The following ZNF736 variants were observed in gnomAD, a reference collection of about 807,000 sequenced individuals.
ZNF736 encodes the protein zinc finger protein 736.
A neutral mutation model predicts 11.7 loss-of-function variants in ZNF736; 6 were observed. The observed-to-expected ratio is 0.51, with a 90% CI of 0.28 to 1.01. The LOEUF (loss-of-function observed/expected upper bound fraction) is 1.01. ZNF736 is among the 50% of genes least tolerant of loss of function. ZNF736 has a pLI of 0.09. For missense variants in ZNF736, 444 were observed against 496.0 expected (o/e 0.90, Z 1.00); for synonymous variants, 139 against 164.7 (o/e 0.84, Z 1.19).
At chr7:64,314,899 T>C (rs1414825594) in intron 1 of ZNF736, among the ~76,000 whole-genome samples, 1 of 152,160 alleles carries the variant, frequency 6.6e-6, no homozygotes, top group Non-Finnish European at 1.5e-5. Context: ...TAGGATATAA[T>C]TTGGATGTGT....
At position 64,351,178 on chromosome 7, in the gene ZNF736, T is replaced by C. The variant is rs1181261726; in HGVS notation, c.*2031T>C. On this transcript the variant is annotated 3_prime_UTR_variant, in exon 4 of 4. Coordinates refer to ENST00000423484, the MANE Select transcript of ZNF736 (RefSeq NM_001170905.3). ...TTCAGAGTGTGGGAGGTTACCCTGT[T>C]CTCTGCACAGTGTTAGCACAAAGGC... 6.6e-6 allele frequency: 1 copy of C among 152,282 alleles called. No individual in the cohort carries two copies. Among genetic ancestry groups the C allele is most frequent in the Non-Finnish European group, 1.5e-5 (1 of 68,122 alleles). The allele number at this position is 152,282 out of a possible 1,614,324, so 9.4% of individuals were successfully genotyped here.
In ZNF736 at chr7:64,327,781, A is replaced by G. The variant is rs79426915; in HGVS notation, c.4-8478A>G. Among the ~76,000 whole-genome samples the G allele has an allele frequency of 3.8e-3, 581 of 152,292 alleles. 15 individuals carry two copies. The East Asian group carries it at 0.067, about 18-fold the overall frequency. The stretch of plus-strand genomic sequence containing the variant: ...AACCCATTATTTTAAACGGATGGCA[A>G]CTTAACACATATTGTAAAAATGAAC... On this transcript the variant is annotated intron_variant, in intron 1 of 3. Coordinates refer to ENST00000423484, the MANE Select transcript of ZNF736 (RefSeq NM_001170905.3).
intron 1 of ZNF736, among the ~76,000 whole-genome samples, chr7:64,319,331 G>GTATATATATATATA (rs1303895518): frequency 4.0e-5 from 3 of 75,510 alleles, no homozygotes; most frequent in Non-Finnish European, 5.3e-5. Context: ...GTGTGTGTAT[G>GTATATATATATATA]TGTATATATA....
chr7:64,345,683 G>A (rs556357083), intron 3 of ZNF736, among the ~76,000 whole-genome samples: 4 of 135,118 alleles, frequency 3.0e-5, no homozygotes, highest in Admixed American at 1.7e-4. Context: ...GCAGTGAGCC[G>A]AGATCGTGCC....
chr7:64,328,380 T>C (rs1287633328), intron 1 of ZNF736, among the ~76,000 whole-genome samples: 1 of 152,146 alleles, frequency 6.6e-6, no homozygotes, highest in African/African-American at 2.4e-5. Context: ...GTCAAACATA[T>C]TGGTGCTTGT....
rs1294134738 is a variant in ZNF736, at chr7:64,349,948, T to G, written c.*801T>G. 1 of 152,210 alleles carries G rather than the reference T, an allele frequency of 6.6e-6. No individual in the cohort carries two copies. The highest frequency in any genetic ancestry group is 1.5e-5 in the Non-Finnish European group (1 of 68,050). The allele number at this position is 152,210 out of a possible 1,614,324, so 9.4% of individuals were successfully genotyped here. A position where few individuals can be genotyped will look rare whatever the true frequency, so the allele number is the denominator to read the frequency against. On this transcript the variant is annotated 3_prime_UTR_variant, in exon 4 of 4. Coordinates refer to ENST00000423484, the MANE Select transcript of ZNF736 (RefSeq NM_001170905.3). ...TTGTTGTTTTCCTGATGAGCTTCTT[T>G]TTAGAGGTGACCTGGCCTTTCTCTC... is the stretch of plus-strand genomic sequence containing the variant.
intron 3 of ZNF736, 110 bp from the exon 4 acceptor site, chr7:64,347,980 A>G: frequency 1.0e-6 from 1 of 983,814 alleles, no homozygotes; most frequent in Non-Finnish European, 1.4e-6. Context: ...ATAAGAATAT[A>G]GAGCCTGTGG....
At position 64,314,027 on chromosome 7, in the gene ZNF736, C is replaced by T; in HGVS notation, c.-124C>T. 7.3e-7 allele frequency: 1 copy of T among 1,375,198 alleles called. No individual in the cohort carries two copies. The allele number at this position is 1,375,198 out of a possible 1,614,324, so 85.2% of individuals were successfully genotyped here. A position where few individuals can be genotyped will look rare whatever the true frequency, so the allele number is the denominator to read the frequency against. ...CGGGCTCTGATCCTAGTTCGCGTCT[C>T]CACTGTTCCATCTCCTCCGTTCCTG... On this transcript the variant is annotated 5_prime_UTR_variant, in exon 1 of 4. Transcript: ENST00000423484.
intron 1 of ZNF736, among the ~76,000 whole-genome samples, chr7:64,323,656 C>T (rs1789033062): frequency 6.6e-6 from 1 of 152,146 alleles, no homozygotes; most frequent in African/African-American, 2.4e-5. Context: ...CCAAACGCTG[C>T]ATGCTCTCAT....
chr7:64,332,809 C>A (rs1307988000), intron 1 of ZNF736, among the ~76,000 whole-genome samples: 1 of 152,092 alleles, frequency 6.6e-6, no homozygotes, highest in Non-Finnish European at 1.5e-5. Context: ...AATATCTCTC[C>A]TACTTGCATG....
In ZNF736 at chr7:64,336,911, T is replaced by C; in HGVS notation, c.155T>C (p.Leu52Ser). ...GGTCTTGCTATCTTTAAGCCAGACT[T>C]GATGACCTGTCTGGAGCAAAGAAAA... is the stretch of plus-strand genomic sequence containing the variant. ...SLGLAIFKPD[L>S]MTCLEQRKEP... Residue 52 changes from leucine to serine, a missense_variant, in exon 3 of 4, where the codon TTG (leucine) becomes TCG (serine). By Grantham distance (145) the Leu-to-Ser change is moderately radical. Coordinates refer to ENST00000423484, the MANE Select transcript of ZNF736 (RefSeq NM_001170905.3). 6.2e-7 allele frequency: 1 copy of C among 1,600,856 alleles called. No individual in the cohort carries two copies.
At chr7:64,335,961 A>C (rs1456164665) in intron 1 of ZNF736, among the ~76,000 whole-genome samples, 1 of 152,218 alleles carries the variant, frequency 6.6e-6, no homozygotes, top group Non-Finnish European at 1.5e-5. Context: ...AACTATAGAC[A>C]GCTTTTCTTG....
rs1245586637 is a variant in ZNF736 at position 64,349,882 on chromosome 7, C to T, written c.*735C>T. On this transcript the variant is annotated 3_prime_UTR_variant, in exon 4 of 4. Transcript: ENST00000423484. The stretch of plus-strand genomic sequence containing the variant: ...TTTTTAAGAATGTTGAATATTGGCC[C>T]CTATAATCTCTTTTGACTTGTAGGA... The T allele has an allele frequency of 6.6e-6, 1 of 151,932 alleles. No individual in the cohort carries two copies. Among genetic ancestry groups the T allele is most frequent in the South Asian group, 2.1e-4 (1 of 4,814 alleles). The allele number at this position is 151,932 out of a possible 1,614,324, so 9.4% of individuals were successfully genotyped here.
At position 64,354,243 on chromosome 7, in the gene ZNF736, G is replaced by A. The variant is rs1371251651; in HGVS notation, c.*5096G>A. 1 of 151,998 alleles carries A rather than the reference G, an allele frequency of 6.6e-6. No individual in the cohort carries two copies. Among genetic ancestry groups the A allele is most frequent in the African/African-American group, 2.4e-5 (1 of 41,394 alleles). 9.4% of individuals were successfully genotyped at this position (151,998 alleles called of 1,614,324 possible). Reference sequence around the variant, plus strand: ...TTCTGTTGAACATATGACTTCTCTGGTCTGCTAAACACATACAGACCTTTA... The same window carrying A: ...TTCTGTTGAACATATGACTTCTCTGATCTGCTAAACACATACAGACCTTTA... On this transcript the variant is annotated 3_prime_UTR_variant, in exon 4 of 4. Coordinates refer to ENST00000423484, the MANE Select transcript of ZNF736 (RefSeq NM_001170905.3).
chr7:64,345,273 C>T (rs1174177096), intron 3 of ZNF736, among the ~76,000 whole-genome samples: 4 of 151,372 alleles, frequency 2.6e-5, no homozygotes, highest in African/African-American at 7.3e-5. Flanking sequence ...CTGCCCGCCT[C>T]GGCCTCCCAA....
At chr7:64,341,376 T>A (rs1331232880) in intron 3 of ZNF736, among the ~76,000 whole-genome samples, 1 of 152,108 alleles carries the variant, frequency 6.6e-6, no homozygotes, top group African/African-American at 2.4e-5. Context: ...CCATCTAATC[T>A]AATATTTAAA....
rs1270697988 is a variant in ZNF736 at position 64,350,322 on chromosome 7, T to C, written c.*1175T>C. On this transcript the variant is annotated 3_prime_UTR_variant, in exon 4 of 4. Coordinates refer to ENST00000423484, the MANE Select transcript of ZNF736 (RefSeq NM_001170905.3). ...AGCCAGTCTTGAGGCCCTGAGATTC[T>C]TTCCTCTGCTTGGCCTATTCTGCTG... is the stretch of plus-strand genomic sequence containing the variant. The C allele has an allele frequency of 2.6e-5, 4 of 152,204 alleles. No individual in the cohort carries two copies. Among genetic ancestry groups the C allele is most frequent in the Non-Finnish European group, 5.9e-5 (4 of 68,044 alleles). 9.4% of individuals were successfully genotyped at this position (152,204 alleles called of 1,614,324 possible).
intron 1 of ZNF736, among the ~76,000 whole-genome samples, chr7:64,319,520 G>C: frequency 1.1e-5 from 1 of 92,272 alleles, no homozygotes; most frequent in Non-Finnish European, 2.0e-5. Flanking sequence ...TTTTGAGACA[G>C]AGTCTTGCTC....
At chr7:64,342,996 A>G (rs1789358799) in intron 3 of ZNF736, among the ~76,000 whole-genome samples, 1 of 152,192 alleles carries the variant, frequency 6.6e-6, no homozygotes, top group Non-Finnish European at 1.5e-5. Flanking sequence ...CTATACATTA[A>G]TGACATAATA....
Sources: allele counts gnomAD v4.1 joint callset (sites outside exome capture counted in the v4.1 genomes callset), GRCh38; gene constraint gnomAD v4.1.1; transcripts MANE v1.5; gene names NCBI Gene and HGNC (gene_info 2026-07-23, HGNC 2026-07-21).